Variants in TRMT10B observed in about 807,000 individuals in gnomAD.
TRMT10B encodes the protein tRNA methyltransferase 10B.
A neutral mutation model predicts 43.8 loss-of-function variants in TRMT10B; 33 were observed. That is an observed-to-expected ratio of 0.75 (90% CI 0.57 to 1.01). TRMT10B has a LOEUF of 1.01. Among genes scored for constraint, TRMT10B ranks in the 50% least tolerant of loss-of-function variants. The pLI, the probability that TRMT10B is intolerant of heterozygous loss-of-function variation, is 0.00. For missense variants in TRMT10B, 362 were observed against 369.8 expected, an observed-to-expected ratio of 0.98 and a Z score of 0.17; for synonymous variants, 137 against 130.6, an observed-to-expected ratio of 1.05 and a Z score of -0.34.
At position 37,777,190 on chromosome 9, in the gene TRMT10B, G is replaced by A. The variant is rs527510314; in HGVS notation, c.845-411G>A. ...GCCTGAGCAACAAGAGTGCAACTCC[G>A]CCTCAAAAAAAAAAAAAAAAAAAAA... is the stretch of plus-strand genomic sequence containing the variant. On this transcript the variant is annotated intron_variant, in intron 8 of 8. Coordinates refer to ENST00000297994, the MANE Select transcript of TRMT10B (RefSeq NM_144964.4). Among the ~76,000 whole-genome samples the A allele has an allele frequency of 1.7e-3, 69 of 39,876 alleles. 1 individual carries two copies. The South Asian group carries it at 0.089, about 51-fold the overall frequency. The allele number at this position is 39,876 out of a possible 152,430, so 26.2% of individuals were successfully genotyped here.
intron 1 of TRMT10B, among the ~76,000 whole-genome samples, chr9:37,760,063 C>T (rs1826158652): frequency 6.6e-6 from 1 of 152,178 alleles, no homozygotes; most frequent in African/African-American, 2.4e-5. Flanking sequence ...CGGTGGTTCA[C>T]ACATGTAATC....
Position 37,757,005 on chromosome 9 carries a change from A to AC in TRMT10B, c.-30+3154dup, listed in dbSNP as rs1334335594. 3.0e-5 allele frequency among the ~76,000 whole-genome samples: 4 copies of AC among 131,876 alleles called. No homozygotes were observed. The East Asian group carries it at 8.2e-4, about 27-fold the overall frequency. 86.5% of individuals were successfully genotyped at this position (131,876 alleles called of 152,430 possible). On this transcript the variant is annotated intron_variant, in intron 1 of 8. Transcript: ENST00000297994. Reference sequence around the variant, plus strand: ...GCAACATAGCAAGACCTATCTCTTAACTTTTTTTTTTTTTAATTTGTGATC... The same window carrying AC: ...GCAACATAGCAAGACCTATCTCTTAACCTTTTTTTTTTTTTAATTTGTGATC...
chr9:37,765,396 G>T (rs1266052076), intron 4 of TRMT10B, among the ~76,000 whole-genome samples: 1 of 152,076 alleles, frequency 6.6e-6, no homozygotes, highest in Non-Finnish European at 1.5e-5. Flanking sequence ...ATAGTTTCCA[G>T]CTTCATCCAT....
At chr9:37,773,183 CTGCAACCT>C (rs1399045139) in intron 7 of TRMT10B, among the ~76,000 whole-genome samples, 1 of 152,156 alleles carries the variant, frequency 6.6e-6, no homozygotes, top group Admixed American at 6.5e-5. Context: ...TCATAGCTCG[CTGCAACCT>C]TGAACTTCTG....
chr9:37,773,678 A>G (rs1339666083), intron 7 of TRMT10B, among the ~76,000 whole-genome samples: 5 of 152,144 alleles, frequency 3.3e-5, no homozygotes, highest in Non-Finnish European at 7.4e-5. Context: ...TACTAAAAAC[A>G]TAAAAATTAG....
chr9:37,753,772 G>A (rs1347161771), upstream of TRMT10B: 1 of 152,310 alleles, frequency 6.6e-6, no homozygotes, highest in Non-Finnish European at 1.5e-5. Flanking sequence ...ATTCGGAGCG[G>A]AGTTACGAAG....
chr9:37,769,762 G>C, intron 5 of TRMT10B, 179 bp from the exon 6 acceptor site: 1 of 615,502 alleles, frequency 1.6e-6, no homozygotes, highest in South Asian at 1.8e-5. Flanking sequence ...CACCATGCCT[G>C]GCTAATTTTT....
At chr9:37,756,093 C>A (rs1334230739) in intron 1 of TRMT10B, among the ~76,000 whole-genome samples, 1 of 152,120 alleles carries the variant, frequency 6.6e-6, no homozygotes, top group East Asian at 1.9e-4. Context: ...CCCAACAGGC[C>A]CCGGCATACA....
intron 2 of TRMT10B, 29 bp downstream of exon 2, chr9:37,762,146 C>A (rs1330692830): frequency 1.3e-6 from 2 of 1,588,322 alleles, no homozygotes; most frequent in Admixed American, 3.5e-5. Context: ...TGGCCATAGG[C>A]CTTGAATGAT....
intron 5 of TRMT10B, 115 bp from the exon 6 acceptor site, chr9:37,769,826 C>CT: frequency 1.2e-6 from 1 of 829,654 alleles, no homozygotes; most frequent in Non-Finnish European, 2.1e-6. Flanking sequence ...TGGTCTCGAA[C>CT]TTTGGAGCTC....
At chr9:37,775,069 G>C (rs1229538472) in intron 7 of TRMT10B, among the ~76,000 whole-genome samples, 1 of 152,224 alleles carries the variant, frequency 6.6e-6, no homozygotes, top group Non-Finnish European at 1.5e-5. Flanking sequence ...GGATGAATGA[G>C]TGGAAGTCTC....
chr9:37,754,972 T>TTA (rs1825459946), intron 1 of TRMT10B, among the ~76,000 whole-genome samples: 1 of 151,130 alleles, frequency 6.6e-6, no homozygotes, highest in Non-Finnish European at 1.5e-5. Flanking sequence ...GAAGGGAGAG[T>TTA]TATATAAAGG....
intron 7 of TRMT10B, among the ~76,000 whole-genome samples, chr9:37,772,592 A>C (rs1827706284): frequency 6.6e-6 from 1 of 152,174 alleles, no homozygotes; most frequent in African/African-American, 2.4e-5. Context: ...AAAATGTTTA[A>C]GCTGAATTTA....
chr9:37,755,312 GACAA>G (rs543713806), intron 1 of TRMT10B, among the ~76,000 whole-genome samples: 82 of 140,916 alleles, frequency 5.8e-4, no homozygotes, highest in African/African-American at 1.1e-3. Flanking sequence ...ACTTTAGGAA[GACAA>G]ACAAGCTCTG....
intron 1 of TRMT10B, among the ~76,000 whole-genome samples, chr9:37,759,080 G>C (rs1002768556): frequency 6.6e-6 from 1 of 152,156 alleles, no homozygotes; most frequent in Non-Finnish European, 1.5e-5. Context: ...TAATACTTTG[G>C]GAAATGGATG....
Position 37,763,707 on chromosome 9 carries a change from C to G in TRMT10B, c.374C>G (p.Pro125Arg). ...CTTTTGGAAGCCAAACACTCAGGAC[C>G]AAGACTATGTATCGATTTGAGTATG... ...DKLLEAKHSG[P>R]RLCIDLSMTH... The change falls in exon 4 of 9, where the codon CCA (proline) becomes CGA (arginine). Residue 125 changes from proline (P) to arginine (R), a missense_variant. Pro to Arg is a moderately radical substitution (Grantham distance 103). Coordinates refer to ENST00000297994, the MANE Select transcript of TRMT10B (RefSeq NM_144964.4). The G allele has an allele frequency of 6.2e-7, 1 of 1,614,118 alleles. No homozygotes were observed. The highest frequency in any genetic ancestry group is 8.5e-7 in the Non-Finnish European group (1 of 1,180,016).
rs61444533 is a variant in TRMT10B at position 37,755,268 on chromosome 9, C to CTT, written c.-30+1436_-30+1437dup. Among the ~76,000 whole-genome samples, 1,072 of 124,436 alleles carry CTT rather than the reference C, an allele frequency of 8.6e-3. 7 individuals are homozygous for CTT. Among genetic ancestry groups the CTT allele is most frequent in the African/African-American group, 0.018 (606 of 34,362 alleles). The allele number at this position is 124,436 out of a possible 152,430, so 81.6% of individuals were successfully genotyped here. ...CCTGGGCGACAGAGTAAGACTCCGT[C>CTT]TTTTTTTTTTTTTTTTTTTTTAAAG... On this transcript the variant is annotated intron_variant, in intron 1 of 8. Transcript: ENST00000297994.
chr9:37,771,992 T>C (rs1369393880), intron 7 of TRMT10B, among the ~76,000 whole-genome samples: 7 of 152,044 alleles, frequency 4.6e-5, no homozygotes, highest in Non-Finnish European at 1.5e-5. Context: ...TACAGGCCCA[T>C]GCCACCACAC....
intron 4 of TRMT10B, 22 bp downstream of exon 4, chr9:37,763,775 G>C: frequency 6.2e-7 from 1 of 1,613,392 alleles, no homozygotes; most frequent in Non-Finnish European, 8.5e-7. Flanking sequence ...ACTAAGCCTG[G>C]AATTCCTGCT....
Sources: gnomAD v4.1 joint callset for allele counts (sites outside exome capture counted in the v4.1 genomes callset) on GRCh38, gnomAD v4.1.1 for gene constraint, MANE v1.5 for transcripts, NCBI Gene and HGNC (gene_info 2026-07-23, HGNC 2026-07-21) for gene names.